Variants in NAALADL2 observed in about 807,000 individuals in gnomAD.
NAALADL2 encodes N-acetylated alpha-linked acidic dipeptidase like 2, also known as inactive N-acetylated-alpha-linked acidic dipeptidase-like protein 2.
A neutral mutation model predicts 87.2 loss-of-function variants in NAALADL2; 76 were observed. That is an observed-to-expected ratio of 0.87 (90% CI 0.72 to 1.05). The LOEUF (loss-of-function observed/expected upper bound fraction) is 1.05. NAALADL2 is among the 50% of genes least tolerant of loss of function. The pLI is 0.00. For synonymous variants in NAALADL2, 354 were observed against 331.0 expected (o/e 1.07, Z -0.75); for missense variants, 1,089 against 945.8 (o/e 1.15, Z -1.99).
intron 1 of NAALADL2, among the ~76,000 whole-genome samples, chr3:174,543,599 A>C (rs1722461101): frequency 6.6e-6 from 1 of 151,194 alleles, no homozygotes; most frequent in Admixed American, 6.6e-5. Flanking sequence ...ACTCTATCCC[A>C]CTCTTTCCTA....
At chr3:175,453,492 C>A (rs1022656311) in intron 6 of NAALADL2, among the ~76,000 whole-genome samples, 1 of 152,264 alleles carries the variant, frequency 6.6e-6, no homozygotes, top group East Asian at 1.9e-4. Context: ...TATTCTCCAC[C>A]AAAAGCTCTT....
chr3:174,939,515 A>G (rs969472942), intron 1 of NAALADL2, among the ~76,000 whole-genome samples: 1 of 152,014 alleles, frequency 6.6e-6, no homozygotes, highest in Non-Finnish European at 1.5e-5. Context: ...TATGAATTTT[A>G]AAATAGTTTT....
At chr3:175,133,984 A>C (rs961923870) in intron 2 of NAALADL2, among the ~76,000 whole-genome samples, 2 of 152,172 alleles carry the variant, frequency 1.3e-5, no homozygotes, top group African/African-American at 4.8e-5. Context: ...GAAAATTACT[A>C]ATTCCCCAGA....
At chr3:174,937,445 T>C (rs1238469270) in intron 1 of NAALADL2, among the ~76,000 whole-genome samples, 3 of 152,072 alleles carry the variant, frequency 2.0e-5, no homozygotes, top group African/African-American at 7.2e-5. Flanking sequence ...TCTCAATTTC[T>C]TTCACTTCCG....
Position 175,194,628 on chromosome 3 carries a change from G to C in NAALADL2, c.546-39303G>C, listed in dbSNP as rs1414663139. Among the ~76,000 whole-genome samples the C allele has an allele frequency of 1.2e-4, 18 of 151,934 alleles. No homozygotes were observed. The East Asian group carries it at 3.5e-3, about 29-fold the overall frequency. On this transcript the variant is annotated intron_variant, in intron 2 of 13. Transcript: ENST00000454872. The stretch of plus-strand genomic sequence containing the variant: ...TATTGGGTCAACTTTTATAGAGGAG[G>C]AGTCCTCAATGATCAGGAGTTTATT...
chr3:174,560,874 C>T (rs1363585157), intron 2 of NAALADL2, among the ~76,000 whole-genome samples: 2 of 152,086 alleles, frequency 1.3e-5, no homozygotes, highest in Non-Finnish European at 2.9e-5. Context: ...CCTGTGCAAC[C>T]ATCACTGAGA....
At position 174,912,099 on chromosome 3, in the gene NAALADL2, T is replaced by C. The variant is rs191724607; in HGVS notation, c.43+52649T>C. On this transcript the variant is annotated intron_variant, in intron 1 of 13. Coordinates refer to ENST00000454872, the MANE Select transcript of NAALADL2 (RefSeq NM_207015.3). The stretch of plus-strand genomic sequence containing the variant: ...GATGAACTATACTCTCTGTAGCCTC[T>C]CTCTGACAATTTCTTTATACCTATA... Among the ~76,000 whole-genome samples the C allele has an allele frequency of 5.7e-4, 86 of 152,184 alleles. 1 individual carries two copies. The highest frequency in any genetic ancestry group is 8.7e-4 in the Non-Finnish European group (59 of 68,008).
chr3:175,749,555 AAG>A lies in NAALADL2; in HGVS notation c.1991-5657_1991-5656del, dbSNP rs1296547356. On this transcript the variant is annotated intron_variant, in intron 12 of 13. Transcript: ENST00000454872. Reference sequence around the variant, plus strand: ...CAACATGGCAGAAGAGGGGAAAACAAAGAGAGAGAACCCACTCCTGAAAGCCA... The same window carrying A: ...CAACATGGCAGAAGAGGGGAAAACAAAGAGAGAACCCACTCCTGAAAGCCA... Among the ~76,000 whole-genome samples the A allele has an allele frequency of 2.3e-5, 3 of 128,242 alleles. No individual in the cohort carries two copies. In the East Asian group the frequency reaches 5.9e-4, roughly 25 times the overall value. The allele number at this position is 128,242 out of a possible 152,430, so 84.1% of individuals were successfully genotyped here. A position where few individuals can be genotyped will look rare whatever the true frequency, so the allele number is the denominator to read the frequency against.
chr3:175,359,442 G>A (rs577812972), intron 5 of NAALADL2, among the ~76,000 whole-genome samples: 10 of 152,192 alleles, frequency 6.6e-5, no homozygotes, highest in African/African-American at 2.4e-4. Flanking sequence ...GTGCAACTGG[G>A]AGAAAATACT....
At chr3:175,179,265 A>G (rs1319961575) in intron 2 of NAALADL2, among the ~76,000 whole-genome samples, 1 of 151,976 alleles carries the variant, frequency 6.6e-6, no homozygotes, top group Non-Finnish European at 1.5e-5. Context: ...TCCAACAGCT[A>G]ACTCAGTGCC....
At chr3:174,813,957 C>T (rs908178402) in intron 3 of NAALADL2, among the ~76,000 whole-genome samples, 2 of 152,078 alleles carry the variant, frequency 1.3e-5, no homozygotes, top group African/African-American at 4.8e-5. Flanking sequence ...ATGCACTCCA[C>T]CCCACAGACA....
At chr3:174,945,848 C>T (rs911796946) in intron 1 of NAALADL2, among the ~76,000 whole-genome samples, 2 of 151,920 alleles carry the variant, frequency 1.3e-5, no homozygotes, top group Admixed American at 6.6e-5. Flanking sequence ...GAGATCAAGA[C>T]CATCCTGGCT....
At chr3:175,572,181 T>C (rs370962538) in intron 9 of NAALADL2, among the ~76,000 whole-genome samples, 2 of 152,138 alleles carry the variant, frequency 1.3e-5, no homozygotes, top group Non-Finnish European at 1.5e-5. Flanking sequence ...TTTGGCTTTT[T>C]TGAAGCATTT....
intron 3 of NAALADL2, among the ~76,000 whole-genome samples, chr3:174,811,940 CT>C (rs1437032889): frequency 6.6e-6 from 1 of 151,982 alleles, no homozygotes; most frequent in East Asian, 1.9e-4. Context: ...TGAAATCTGC[CT>C]TTTTTAAGTT....
At chr3:175,267,303 T>C (rs1472690081) in intron 4 of NAALADL2, among the ~76,000 whole-genome samples, 7 of 152,092 alleles carry the variant, frequency 4.6e-5, no homozygotes, top group Non-Finnish European at 8.8e-5. Context: ...TGTGCTCTAA[T>C]TGATTATAAA....
Position 174,873,805 on chromosome 3 carries a change from C to T in NAALADL2, c.43+14355C>T, listed in dbSNP as rs562649520. On this transcript the variant is annotated intron_variant, in intron 1 of 13. Coordinates refer to ENST00000454872, the MANE Select transcript of NAALADL2 (RefSeq NM_207015.3). The stretch of plus-strand genomic sequence containing the variant: ...ACTAATAGCTTTTCATTATAATATT[C>T]GTGCATGCCATTCTGCTTGGAAGGA... Among the ~76,000 whole-genome samples, 124 of 151,456 alleles carry T rather than the reference C, an allele frequency of 8.2e-4. 1 individual carries two copies. Among genetic ancestry groups the T allele is most frequent in the Middle Eastern group, 6.8e-3 (2 of 294 alleles).
intron 2 of NAALADL2, among the ~76,000 whole-genome samples, chr3:175,170,121 G>T (rs1234103191): frequency 6.6e-6 from 1 of 151,736 alleles, no homozygotes; most frequent in East Asian, 1.9e-4. Context: ...TATATAAAGT[G>T]CTTGAAATGA....
intron 3 of NAALADL2, among the ~76,000 whole-genome samples, chr3:174,843,684 A>G (rs748495214): frequency 3.3e-5 from 5 of 152,068 alleles, no homozygotes; most frequent in Non-Finnish European, 5.9e-5. Context: ...CTTTCTCCAT[A>G]TCCTGTCTGA....
chr3:175,222,021 A>G (rs1214054331), intron 2 of NAALADL2, among the ~76,000 whole-genome samples: 1 of 152,052 alleles, frequency 6.6e-6, no homozygotes, highest in Admixed American at 6.6e-5. Flanking sequence ...AGCTCAGGGA[A>G]TCCACCTGCC....
Sources: gnomAD v4.1 joint callset for allele counts (sites outside exome capture counted in the v4.1 genomes callset) on GRCh38, gnomAD v4.1.1 for gene constraint, MANE v1.5 for transcripts, NCBI Gene and HGNC (gene_info 2026-07-23, HGNC 2026-07-21) for gene names.